CSMD1: variants seen among roughly 807,000 people sequenced by gnomAD.
The protein encoded by CSMD1 is CUB and sushi domain-containing protein 1.
A neutral mutation model predicts 417.5 loss-of-function variants in CSMD1; 213 were observed. The observed-to-expected ratio is 0.51, with a 90% CI of 0.46 to 0.57. The LOEUF (loss-of-function observed/expected upper bound fraction) is 0.57. Among genes scored for constraint, CSMD1 ranks in the 20% least tolerant of loss-of-function variants. The pLI is 0.00. For missense variants in CSMD1, 6,923 were observed against 4,529.7 expected, an observed-to-expected ratio of 1.53 and a Z score of -15.17; for synonymous variants, 2,862 against 1,736.8, an observed-to-expected ratio of 1.65 and a Z score of -16.11.
chr8:4,627,322 T>A (rs1802177282), intron 2 of CSMD1, among the ~76,000 whole-genome samples: 1 of 152,122 alleles, frequency 6.6e-6, no homozygotes. Flanking sequence ...ATCATCCACA[T>A]AAAGCTCATT....
chr8:4,671,042 C>A (rs540935107), intron 1 of CSMD1, among the ~76,000 whole-genome samples: 95 of 152,300 alleles, frequency 6.2e-4, no homozygotes, highest in African/African-American at 2.2e-3. Context: ...ACTAATAATT[C>A]TCAACACAGT....
At chr8:4,271,315 G>T (rs1446329917) in intron 3 of CSMD1, among the ~76,000 whole-genome samples, 1 of 152,068 alleles carries the variant, frequency 6.6e-6, no homozygotes, top group Non-Finnish European at 1.5e-5. Context: ...CACAGAGGTT[G>T]GTGAAATCGT....
intron 5 of CSMD1, among the ~76,000 whole-genome samples, chr8:3,844,918 A>ACAG (rs201958021): frequency 0.056 from 8,576 of 152,210 alleles, 2 homozygotes; most frequent in African/African-American, 0.18. Context: ...TGCATTTAAA[A>ACAG]ACTGCCATCA....
intron 1 of CSMD1, among the ~76,000 whole-genome samples, chr8:4,650,399 C>T (rs1044888401): frequency 2.0e-5 from 3 of 147,586 alleles, no homozygotes; most frequent in African/African-American, 5.0e-5. Context: ...GCTCCCTTAA[C>T]GGATTTGCCA....
chr8:4,306,620 T>C (rs796110024), intron 3 of CSMD1, among the ~76,000 whole-genome samples: 5 of 152,230 alleles, frequency 3.3e-5, no homozygotes, highest in African/African-American at 1.2e-4. Flanking sequence ...GCCTCTTCAA[T>C]CTCATTCACA....
chr8:4,127,677 G>A (rs538732560), intron 3 of CSMD1, among the ~76,000 whole-genome samples: 28 of 152,028 alleles, frequency 1.8e-4, no homozygotes, highest in Non-Finnish European at 4.1e-4. Context: ...TTATAAGGAA[G>A]ATATTAAATA....
At chr8:4,987,174 T>C (rs73179240) in intron 1 of CSMD1, among the ~76,000 whole-genome samples, 2,022 of 152,248 alleles carry the variant, frequency 0.013, 24 homozygotes, top group Non-Finnish European at 0.022. Context: ...AGAAAATAAA[T>C]AGATTTCTAC....
chr8:4,787,048 A>G (rs2117214701), intron 1 of CSMD1, among the ~76,000 whole-genome samples: 1 of 152,314 alleles, frequency 6.6e-6, no homozygotes, highest in East Asian at 1.9e-4. Flanking sequence ...CACCACTTCT[A>G]ATTACTGGTA....
At chr8:4,412,737 C>T (rs1353095487) in intron 3 of CSMD1, among the ~76,000 whole-genome samples, 1 of 152,134 alleles carries the variant, frequency 6.6e-6, no homozygotes, top group Non-Finnish European at 1.5e-5. Context: ...TAATAAATTA[C>T]AGCTTATAGG....
intron 2 of CSMD1, among the ~76,000 whole-genome samples, chr8:4,426,186 G>A (rs1218581748): frequency 6.6e-6 from 1 of 151,614 alleles, no homozygotes; most frequent in Non-Finnish European, 1.5e-5. Flanking sequence ...GAAATAGACT[G>A]GAATCTGTGA....
chr8:3,257,609 A>G (rs1014259616), intron 26 of CSMD1, among the ~76,000 whole-genome samples: 1 of 152,178 alleles, frequency 6.6e-6, no homozygotes, highest in Non-Finnish European at 1.5e-5. Context: ...AGATGATGAC[A>G]CATATTTTAA....
intron 26 of CSMD1, among the ~76,000 whole-genome samples, chr8:3,240,290 A>T (rs1435535833): frequency 6.6e-6 from 1 of 152,102 alleles, no homozygotes; most frequent in Admixed American, 6.6e-5. Flanking sequence ...CAAGGAACGG[A>T]AAGAGGAGTG....
At chr8:4,769,296 T>A (rs1796485897) in intron 1 of CSMD1, among the ~76,000 whole-genome samples, 1 of 152,192 alleles carries the variant, frequency 6.6e-6, no homozygotes, top group Admixed American at 6.5e-5. Context: ...CCTGAAGGAA[T>A]CTTTCTCAGT....
At chr8:3,941,507 T>C (rs1323104086) in intron 5 of CSMD1, among the ~76,000 whole-genome samples, 3 of 152,188 alleles carry the variant, frequency 2.0e-5, no homozygotes, top group Non-Finnish European at 4.4e-5. Flanking sequence ...AAAGGAGCTT[T>C]GATTTAAATG....
intron 1 of CSMD1, among the ~76,000 whole-genome samples, chr8:4,650,386 A>G (rs935318523): frequency 4.0e-5 from 6 of 151,652 alleles, no homozygotes; most frequent in Non-Finnish European, 7.4e-5. Flanking sequence ...AATGAAAACA[A>G]TAGCTCCCTT....
intron 10 of CSMD1, among the ~76,000 whole-genome samples, chr8:3,536,486 G>A (rs529155802): frequency 6.6e-6 from 1 of 152,310 alleles, no homozygotes; most frequent in South Asian, 2.1e-4. Flanking sequence ...TTTGATTAAT[G>A]GGGATTATGT....
intron 2 of CSMD1, among the ~76,000 whole-genome samples, chr8:4,631,128 C>G: frequency 6.6e-6 from 1 of 152,050 alleles, no homozygotes; most frequent in Non-Finnish European, 1.5e-5. Flanking sequence ...TTTGGGAGGC[C>G]GAGGCGGGTG....
intron 5 of CSMD1, among the ~76,000 whole-genome samples, chr8:3,974,697 T>C (rs1025018790): frequency 5.3e-5 from 8 of 151,790 alleles, no homozygotes; most frequent in Non-Finnish European, 1.2e-4. Flanking sequence ...CATAACAGAA[T>C]GAAAATTTTA....
At chr8:4,428,182 A>ACAGAGGTTGCAGTGAGCCGAGATGGAGCC (rs1797674082) in intron 2 of CSMD1, among the ~76,000 whole-genome samples, 1 of 152,222 alleles carries the variant, frequency 6.6e-6, no homozygotes, top group East Asian at 1.9e-4. Flanking sequence ...TTAAAAGGAA[A>ACAGAGGTTGCAGTGAGCCGAGATGGAGCC]ACAAACCCAT....
Sources: allele counts gnomAD v4.1 joint callset (sites outside exome capture counted in the v4.1 genomes callset), GRCh38; gene constraint gnomAD v4.1.1; transcripts MANE v1.5; gene names NCBI Gene and HGNC (gene_info 2026-07-23, HGNC 2026-07-21).